Variants in CEP135 observed in about 807,000 individuals in gnomAD.
The protein encoded by CEP135 is centrosomal protein 135.
Under a neutral mutation model 157.3 loss-of-function variants are expected in CEP135, and 142 were observed. The ratio of observed to expected loss-of-function variants is 0.90; its 90% confidence interval spans 0.79 to 1.04. The LOEUF (loss-of-function observed/expected upper bound fraction) is 1.04, where lower values mean the gene tolerates loss of function less well. Ranked by LOEUF, CEP135 falls within the 50% of genes least tolerant of loss-of-function variation. The pLI, the probability that CEP135 is intolerant of heterozygous loss-of-function variation, is 0.00. For missense variants in CEP135, 1,317 were observed against 1,309.2 expected (o/e 1.01, Z -0.09); for synonymous variants, 396 against 439.8 (o/e 0.90, Z 1.25).
rs1406703363 is a variant in CEP135, at chr4:56,014,450, T to C, written c.2802+2465T>C. ...ACTTCTATTATTTACAGAATACATA[T>C]GTTGTCATGGATGGATTTTGCCAGA... On this transcript the variant is annotated intron_variant, in intron 21 of 25. Transcript: ENST00000257287. 3.9e-5 allele frequency among the ~76,000 whole-genome samples: 6 copies of C among 152,338 alleles called. No individual in the cohort carries two copies. The East Asian group carries it at 1.2e-3, about 29-fold the overall frequency.
chr4:56,007,916 T>C (rs969533113), intron 17 of CEP135, among the ~76,000 whole-genome samples: 6 of 152,204 alleles, frequency 3.9e-5, no homozygotes, highest in Non-Finnish European at 8.8e-5. Flanking sequence ...TTTGTCAGGA[T>C]TGAAGTCAGC....
intron 24 of CEP135, among the ~76,000 whole-genome samples, 199 bp downstream of exon 24, chr4:56,020,979 A>G (rs1730955472): frequency 6.6e-6 from 1 of 152,226 alleles, no homozygotes; most frequent in Non-Finnish European, 1.5e-5. Context: ...TAAAATAGCA[A>G]GTATTACATA....
intron 15 of CEP135, 110 bp downstream of exon 15, chr4:55,992,195 G>GTACTT: frequency 9.2e-7 from 1 of 1,086,502 alleles, no homozygotes; most frequent in Non-Finnish European, 1.3e-6. Flanking sequence ...AGTTTTAGAA[G>GTACTT]TTGGCTTTGC....
intron 17 of CEP135, among the ~76,000 whole-genome samples, chr4:56,002,315 G>C (rs1348548873): frequency 2.0e-5 from 3 of 152,028 alleles, no homozygotes; most frequent in Non-Finnish European, 4.4e-5. Context: ...TCCTTGGCTT[G>C]TTCCAGATCT....
rs1728823440 is a variant in CEP135 at position 55,965,778 on chromosome 4, A to G, written c.963A>G (p.Glu321=). 1 of 1,613,568 alleles carries G rather than the reference A, an allele frequency of 6.2e-7. No individual in the cohort carries two copies. The highest frequency in any genetic ancestry group is 1.7e-5 in the Admixed American group (1 of 60,002). Residue 321 remains glutamate (E), a synonymous_variant, in exon 8 of 26, where the codon GAA becomes GAG. Transcript: ENST00000257287. ...KNEKLCQELT[E]IDQLAQQLER... ...AAAAACTCTGCCAAGAATTAACTGAAATAGATCAGTTAGCACAGCAGTTGG... is the reference window on the plus strand; with the variant it reads ...AAAAACTCTGCCAAGAATTAACTGAGATAGATCAGTTAGCACAGCAGTTGG...
chr4:56,010,196 C>T (rs925565066), intron 19 of CEP135, among the ~76,000 whole-genome samples: 6 of 132,850 alleles, frequency 4.5e-5, no homozygotes, highest in Non-Finnish European at 9.5e-5. Context: ...ACCCCCATCT[C>T]TACTAAAAAT....
At chr4:56,011,603 A>G in intron 20 of CEP135, 81 bp downstream of exon 20, 1 of 1,056,630 alleles carries the variant, frequency 9.5e-7, no homozygotes, top group Admixed American at 2.7e-5. Flanking sequence ...ACAATTAGAT[A>G]TTAAACATTT....
chr4:56,020,525 G>T, intron 23 of CEP135, 151 bp from the exon 24 acceptor site: 1 of 629,608 alleles, frequency 1.6e-6, no homozygotes, highest in Non-Finnish European at 2.8e-6. Context: ...TAAACTAAAT[G>T]AATGAAAAAG....
intron 14 of CEP135, among the ~76,000 whole-genome samples, chr4:55,988,982 A>G (rs1052570819): frequency 7.3e-5 from 11 of 151,334 alleles, no homozygotes; most frequent in Admixed American, 3.9e-4. Context: ...AAAAAAAAAC[A>G]TAATAAAACA....
At chr4:55,954,056 G>A (rs1455820571) in intron 3 of CEP135, among the ~76,000 whole-genome samples, 160 bp from the exon 4 acceptor site, 1 of 152,182 alleles carries the variant, frequency 6.6e-6, no homozygotes, top group Non-Finnish European at 1.5e-5. Context: ...TTGCAGTTTT[G>A]TTAATAATAG....
chr4:55,975,124 A>G (rs558468119), intron 11 of CEP135, among the ~76,000 whole-genome samples, 155 bp downstream of exon 11: 1 of 152,336 alleles, frequency 6.6e-6, no homozygotes, highest in East Asian at 1.9e-4. Context: ...TAGGAACACT[A>G]CATTAATTAG....
chr4:55,972,737 A>G (rs1016371756), intron 10 of CEP135, among the ~76,000 whole-genome samples: 39 of 152,330 alleles, frequency 2.6e-4, no homozygotes, highest in African/African-American at 9.4e-4. Flanking sequence ...ACCATGTATA[A>G]AAGTTTAAAA....
At chr4:55,995,759 A>G (rs754381331) in intron 15 of CEP135, among the ~76,000 whole-genome samples, 5 of 152,208 alleles carry the variant, frequency 3.3e-5, no homozygotes, top group Non-Finnish European at 5.9e-5. Flanking sequence ...ACCCCTGCTC[A>G]AGGAAAAATT....
At chr4:55,960,044 GA>G in intron 6 of CEP135, 1 of 534,840 alleles carries the variant, frequency 1.9e-6, no homozygotes, top group East Asian at 3.1e-5. Flanking sequence ...ATGGATTGAA[GA>G]GCACTTATTT....
intron 14 of CEP135, among the ~76,000 whole-genome samples, chr4:55,989,500 A>C (rs1729715210): frequency 6.6e-6 from 1 of 152,192 alleles, no homozygotes; most frequent in South Asian, 2.1e-4. Context: ...AACACAAATA[A>C]ATTTATTCCT....
intron 14 of CEP135, among the ~76,000 whole-genome samples, chr4:55,986,961 C>T (rs1729609386): frequency 6.6e-6 from 1 of 152,184 alleles, no homozygotes; most frequent in Non-Finnish European, 1.5e-5. Context: ...GGATGCCAGA[C>T]ATTGTGAATC....
chr4:56,010,488 T>C (rs1398739520), intron 19 of CEP135, among the ~76,000 whole-genome samples: 1 of 152,174 alleles, frequency 6.6e-6, no homozygotes, highest in Non-Finnish European at 1.5e-5. Context: ...TTTTGGTCTT[T>C]GTTGCAAGGA....
intron 6 of CEP135, among the ~76,000 whole-genome samples, chr4:55,962,730 C>CTTTT (rs56378859): frequency 1.6e-5 from 2 of 125,370 alleles, no homozygotes; most frequent in Admixed American, 1.6e-4. Flanking sequence ...TTTTAAGCCT[C>CTTTT]TTTTTTTTTT....
Position 55,961,493 on chromosome 4 carries a change from G to A in CEP135, c.699+1727G>A, listed in dbSNP as rs138542404. ...ATAATACCCATCTTTGGCCGGGCAC[G>A]GTGGCTCACACCTGTAATCCCAGCA... On this transcript the variant is annotated intron_variant, in intron 6 of 25. Coordinates refer to ENST00000257287, the MANE Select transcript of CEP135 (RefSeq NM_025009.5). Among the ~76,000 whole-genome samples the A allele has an allele frequency of 4.3e-4, 66 of 151,920 alleles. 1 individual carries two copies. In the East Asian group the frequency reaches 0.01, roughly 23 times the overall value.
Sources: allele counts gnomAD v4.1 joint callset (sites outside exome capture counted in the v4.1 genomes callset), GRCh38; gene constraint gnomAD v4.1.1; transcripts MANE v1.5; gene names NCBI Gene and HGNC (gene_info 2026-07-23, HGNC 2026-07-21).